The following RYR2 variants were observed in gnomAD, a reference collection of about 807,000 sequenced individuals.
The protein encoded by RYR2 is ryanodine receptor 2.
RYR2 carries 227 observed loss-of-function variants against 601.1 expected under a neutral mutation model. That is an observed-to-expected ratio of 0.38 (90% confidence interval 0.34 to 0.42). The LOEUF is 0.42. Among genes scored for constraint, RYR2 ranks in the 10% least tolerant of loss-of-function variants. The probability of loss-of-function intolerance (pLI) is 1.00; values close to 1 mark genes in which losing one functional copy is unlikely to be tolerated. For missense variants in RYR2, 4,646 were observed against 6,156.5 expected, an observed-to-expected ratio of 0.75 and a Z score of 8.21; for synonymous variants, 2,223 against 2,175.1, an observed-to-expected ratio of 1.02 and a Z score of -0.61.
chr1:237,601,597 C>A (rs1488819694), intron 34 of RYR2, among the ~76,000 whole-genome samples: 2 of 152,060 alleles, frequency 1.3e-5, no homozygotes, highest in Non-Finnish European at 2.9e-5. Context: ...TGTATGTTCT[C>A]ACCACAAAGA....
In RYR2 at chr1:237,374,685, CTACT is replaced by C. The variant is rs749392219; in HGVS notation, c.385-28_385-25del. 2.3e-5 allele frequency: 36 copies of C among 1,556,522 alleles called. No individual in the cohort carries two copies. In the African/African-American group the frequency reaches 3.8e-4, roughly 16 times the overall value. On this transcript the variant is annotated intron_variant, in intron 6 of 104. Coordinates refer to ENST00000366574, the MANE Select transcript of RYR2 (RefSeq NM_001035.3). ...CACAAACAACAGACGAACAAAACCT[CTACT>C]TACAACTACTGATTTTGTACTTTGT...
intron 1 of RYR2, among the ~76,000 whole-genome samples, chr1:237,050,764 TTGAG>T (rs1178099717): frequency 1.3e-5 from 2 of 152,174 alleles, no homozygotes; most frequent in Non-Finnish European, 2.9e-5. Context: ...ATCCTTAGTC[TTGAG>T]TCAATTGGGA....
intron 3 of RYR2, among the ~76,000 whole-genome samples, chr1:237,339,090 A>G (rs1206501164): frequency 6.6e-6 from 1 of 152,146 alleles, no homozygotes; most frequent in African/African-American, 2.4e-5. Flanking sequence ...AAAATACAGA[A>G]TTAAACTCCA....
intron 28 of RYR2, among the ~76,000 whole-genome samples, chr1:237,567,653 A>G (rs1157226779): frequency 6.6e-6 from 1 of 152,082 alleles, no homozygotes; most frequent in Non-Finnish European, 1.5e-5. Flanking sequence ...ATAGGATAAT[A>G]ATAGTCACTT....
At chr1:237,722,262 G>C (rs1363710500) in intron 73 of RYR2, among the ~76,000 whole-genome samples, 3 of 151,956 alleles carry the variant, frequency 2.0e-5, no homozygotes, top group Non-Finnish European at 4.4e-5. Context: ...ACAACGTCTT[G>C]TGTTAAGGGA....
intron 24 of RYR2, among the ~76,000 whole-genome samples, chr1:237,525,641 G>A (rs3121873): frequency 0.48 from 72,126 of 151,298 alleles, 17,411 homozygotes; most frequent in East Asian, 0.6. Context: ...AGTAGAGACG[G>A]GGTTTCACCA....
intron 94 of RYR2, 58 bp from the exon 95 acceptor site, chr1:237,793,809 C>T (rs1658746962): frequency 1.5e-6 from 2 of 1,351,222 alleles, no homozygotes; most frequent in African/African-American, 2.9e-5. Context: ...AAGATAGTGA[C>T]CACAAGATAT....
At chr1:237,684,468 C>G (rs1333429468) in intron 62 of RYR2, among the ~76,000 whole-genome samples, 1 of 151,946 alleles carries the variant, frequency 6.6e-6, no homozygotes, top group Non-Finnish European at 1.5e-5. Flanking sequence ...GGGTGAGAAA[C>G]AGGGAAGAGA....
intron 1 of RYR2, among the ~76,000 whole-genome samples, chr1:237,184,883 T>G (rs1282232413): frequency 1.3e-5 from 2 of 151,922 alleles, no homozygotes; most frequent in Non-Finnish European, 2.9e-5. Context: ...GAGGGTTTTT[T>G]TTTTTTGGAC....
At chr1:237,734,370 G>A (rs192093393) in intron 79 of RYR2, among the ~76,000 whole-genome samples, 165 of 152,244 alleles carry the variant, frequency 1.1e-3, no homozygotes, top group African/African-American at 3.8e-3. Context: ...ACTCACTATC[G>A]TGAGAACAGC....
At chr1:237,363,102 A>G (rs551343345) in intron 4 of RYR2, among the ~76,000 whole-genome samples, 1 of 151,848 alleles carries the variant, frequency 6.6e-6, no homozygotes, top group Non-Finnish European at 1.5e-5. Flanking sequence ...AAAAAATCTC[A>G]TGAAGAAAGT....
At chr1:237,177,943 G>A (rs1242863501) in intron 1 of RYR2, among the ~76,000 whole-genome samples, 2 of 152,172 alleles carry the variant, frequency 1.3e-5, no homozygotes, top group African/African-American at 4.8e-5. Context: ...AGCAAATACA[G>A]ATTATAAGAC....
chr1:237,127,732 C>A, intron 1 of RYR2, among the ~76,000 whole-genome samples: 1 of 150,382 alleles, frequency 6.6e-6, no homozygotes, highest in Non-Finnish European at 1.5e-5. Flanking sequence ...AGAGGTGCTC[C>A]TCACATCCCA....
At chr1:237,168,769 G>A (rs929744556) in intron 1 of RYR2, among the ~76,000 whole-genome samples, 6 of 152,264 alleles carry the variant, frequency 3.9e-5, no homozygotes, top group East Asian at 1.9e-4. Flanking sequence ...TTCAGATGTC[G>A]AATGCTCTAC....
At chr1:237,063,572 T>C (rs1279176669) in intron 1 of RYR2, among the ~76,000 whole-genome samples, 2 of 151,946 alleles carry the variant, frequency 1.3e-5, no homozygotes, top group Non-Finnish European at 2.9e-5. Context: ...TCTGGCTATG[T>C]ATTTTAATTC....
chr1:237,400,510 C>T (rs1393690818), intron 10 of RYR2, among the ~76,000 whole-genome samples: 1 of 152,040 alleles, frequency 6.6e-6, no homozygotes, highest in Non-Finnish European at 1.5e-5. Flanking sequence ...GCAAATTGGT[C>T]CTGCCCAATA....
chr1:237,480,517 CTTG>C (rs1330978818), intron 17 of RYR2, among the ~76,000 whole-genome samples: 1 of 151,742 alleles, frequency 6.6e-6, no homozygotes, highest in Admixed American at 6.6e-5. Context: ...AATACCGTTA[CTTG>C]TTGTATAATG....
At chr1:237,322,821 CGTGTGTGT>C (rs113420477) in intron 2 of RYR2, among the ~76,000 whole-genome samples, 13 of 143,112 alleles carry the variant, frequency 9.1e-5, no homozygotes, top group African/African-American at 2.6e-4. Context: ...AACACACACA[CGTGTGTGT>C]GTGTGTGTGT....
Position 237,215,022 on chromosome 1 carries a change from A to G in RYR2, c.49-55475A>G, listed in dbSNP as rs555066771. Among the ~76,000 whole-genome samples the G allele has an allele frequency of 9.8e-5, 15 of 152,304 alleles. No homozygotes were observed. In the East Asian group the frequency reaches 2.5e-3, roughly 25 times the overall value. On this transcript the variant is annotated intron_variant, in intron 1 of 104. Transcript: ENST00000366574. ...GTGTTTCTCATATCACATGAAGTCA[A>G]CTCGGAGAAGGTGAGGATCTTTATG...
Sources: allele counts gnomAD v4.1 joint callset (sites outside exome capture counted in the v4.1 genomes callset), GRCh38; gene constraint gnomAD v4.1.1; transcripts MANE v1.5; gene names NCBI Gene and HGNC (gene_info 2026-07-23, HGNC 2026-07-21).